Variants in RBFOX1 observed in about 807,000 individuals in gnomAD.
The protein encoded by RBFOX1 is RNA binding fox-1 homolog 1, also known as RNA binding protein fox-1 homolog 1.
A neutral mutation model predicts 57.7 loss-of-function variants in RBFOX1; 8 were observed. The ratio of observed to expected loss-of-function variants is 0.14; its 90% CI spans 0.08 to 0.25. RBFOX1 has a LOEUF of 0.25. Among genes scored for constraint, RBFOX1 ranks in the 10% least tolerant of loss-of-function variants. RBFOX1 has a pLI of 1.00. For synonymous variants in RBFOX1, 326 were observed against 222.4 expected (o/e 1.47, Z -4.15); for missense variants, 611 against 548.5 (o/e 1.11, Z -1.14).
chr16:6,790,489 C>G (rs1472003207), intron 3 of RBFOX1, among the ~76,000 whole-genome samples: 2 of 151,984 alleles, frequency 1.3e-5, no homozygotes, highest in African/African-American at 4.8e-5. Flanking sequence ...ATGGCGCCCT[C>G]CATCGTTCTT....
intron 3 of RBFOX1, among the ~76,000 whole-genome samples, chr16:6,995,781 C>CA (rs1057339461): frequency 6.6e-6 from 1 of 151,400 alleles, no homozygotes; most frequent in African/African-American, 2.4e-5. Flanking sequence ...TAATAAAAAA[C>CA]AAAAAAAGGG....
At chr16:6,093,337 G>A (rs191169474) in intron 1 of RBFOX1, among the ~76,000 whole-genome samples, 1 of 152,158 alleles carries the variant, frequency 6.6e-6, no homozygotes, top group Admixed American at 6.5e-5. Context: ...TACTTGGAAG[G>A]TTGAGGTGGG....
intron 2 of RBFOX1, among the ~76,000 whole-genome samples, chr16:6,392,721 G>C (rs1268455245): frequency 2.0e-5 from 3 of 152,168 alleles, no homozygotes; most frequent in Non-Finnish European, 4.4e-5. Context: ...TCCAGATTGG[G>C]ACCTTGAGAA....
Position 7,047,136 on chromosome 16 carries a change from C to T in RBFOX1, c.-15-4921C>T, listed in dbSNP as rs114526687. On this transcript the variant is annotated intron_variant, in intron 3 of 15. Coordinates refer to ENST00000550418, the MANE Select transcript of RBFOX1 (RefSeq NM_018723.4). ...TATTAACATTTACTCATATGTTTACCATTTCCATTTCCAGCTCTTCCTTTC... is the reference window on the plus strand; with the variant it reads ...TATTAACATTTACTCATATGTTTACTATTTCCATTTCCAGCTCTTCCTTTC... 7.4e-3 allele frequency among the ~76,000 whole-genome samples: 1,114 copies of T among 150,960 alleles called. 12 individuals are homozygous for T. Among genetic ancestry groups the T allele is most frequent in the African/African-American group, 0.026 (1,048 of 40,824 alleles).
intron 1 of RBFOX1, among the ~76,000 whole-genome samples, chr16:5,246,884 T>G (rs1202118012): frequency 1.3e-5 from 2 of 152,182 alleles, no homozygotes; most frequent in Non-Finnish European, 2.9e-5. Flanking sequence ...TTATGCAGGC[T>G]GGTCCTGAAC....
chr16:6,339,353 G>A (rs1045638514), intron 2 of RBFOX1, among the ~76,000 whole-genome samples: 1 of 152,220 alleles, frequency 6.6e-6, no homozygotes, highest in Admixed American at 6.5e-5. Context: ...TGTGCAGCAA[G>A]TCAATAGGAG....
chr16:7,560,968 C>A (rs2090192216), intron 5 of RBFOX1, among the ~76,000 whole-genome samples: 1 of 152,186 alleles, frequency 6.6e-6, no homozygotes, highest in Non-Finnish European at 1.5e-5. Flanking sequence ...GAGAACTCAT[C>A]CGTTGTCCTG....
intron 4 of RBFOX1, among the ~76,000 whole-genome samples, chr16:5,992,004 T>G (rs1484307758): frequency 1.3e-5 from 2 of 152,036 alleles, no homozygotes; most frequent in Non-Finnish European, 2.9e-5. Flanking sequence ...GAGAAAAAAA[T>G]ACAGAGATTT....
chr16:7,072,361 C>T (rs1012925539), intron 4 of RBFOX1, among the ~76,000 whole-genome samples: 2 of 152,136 alleles, frequency 1.3e-5, no homozygotes, highest in Non-Finnish European at 2.9e-5. Flanking sequence ...GTTATTCCCT[C>T]GTTTGTTTTG....
chr16:5,699,634 G>A (rs941478933), intron 3 of RBFOX1, among the ~76,000 whole-genome samples: 1 of 151,998 alleles, frequency 6.6e-6, no homozygotes, highest in Non-Finnish European at 1.5e-5. Flanking sequence ...GACATTTTTG[G>A]TTGTCAGCTC....
At position 6,957,743 on chromosome 16, in the gene RBFOX1, G is replaced by A. The variant is rs913580629; in HGVS notation, c.-15-94314G>A. On this transcript the variant is annotated intron_variant, in intron 3 of 15. Coordinates refer to ENST00000550418, the MANE Select transcript of RBFOX1 (RefSeq NM_018723.4). ...ATTTTACCCAGCCCCTATTGAAGAT[G>A]GAGTTGCTCTGGTTCAAACATCTGT... 7.9e-5 allele frequency among the ~76,000 whole-genome samples: 12 copies of A among 152,114 alleles called. 1 individual carries two copies. In the East Asian group the frequency reaches 2.1e-3, roughly 27 times the overall value.
At chr16:7,642,077 T>C (rs2062912742) in intron 11 of RBFOX1, among the ~76,000 whole-genome samples, 1 of 152,174 alleles carries the variant, frequency 6.6e-6, no homozygotes, top group Non-Finnish European at 1.5e-5. Context: ...ACCACGCCAC[T>C]GCACTCTAGC....
intron 3 of RBFOX1, among the ~76,000 whole-genome samples, chr16:6,889,099 T>G (rs1175684045): frequency 2.0e-5 from 3 of 152,202 alleles, no homozygotes. Context: ...GATATCACAG[T>G]GGACAAGAAT....
chr16:7,020,761 C>G (rs1171937455), intron 3 of RBFOX1, among the ~76,000 whole-genome samples: 1 of 152,058 alleles, frequency 6.6e-6, no homozygotes, highest in African/African-American at 2.4e-5. Flanking sequence ...TCAGTGAAAT[C>G]CCTGCATTCC....
chr16:5,975,168 A>G (rs1269351512), intron 4 of RBFOX1, among the ~76,000 whole-genome samples: 1 of 152,244 alleles, frequency 6.6e-6, no homozygotes, highest in Non-Finnish European at 1.5e-5. Flanking sequence ...TTATGTTGAT[A>G]AATTCCAACA....
At chr16:6,843,532 A>C (rs552281244) in intron 3 of RBFOX1, among the ~76,000 whole-genome samples, 4 of 151,758 alleles carry the variant, frequency 2.6e-5, no homozygotes, top group Admixed American at 6.6e-5. Context: ...ACTAAAAATA[A>C]AAAAAAATTA....
chr16:6,539,186 C>T (rs371653182), intron 2 of RBFOX1, among the ~76,000 whole-genome samples: 8 of 151,720 alleles, frequency 5.3e-5, no homozygotes, highest in Non-Finnish European at 8.8e-5. Flanking sequence ...GAAACTTCTA[C>T]TTGAATCATT....
chr16:5,278,245 C>A (rs147485052), intron 1 of RBFOX1, among the ~76,000 whole-genome samples: 2 of 152,052 alleles, frequency 1.3e-5, no homozygotes, highest in African/African-American at 4.8e-5. Context: ...TTTGCATTTC[C>A]GTGATGATTA....
At chr16:6,648,561 C>T (rs2098552147) in intron 2 of RBFOX1, among the ~76,000 whole-genome samples, 1 of 152,150 alleles carries the variant, frequency 6.6e-6, no homozygotes, top group African/African-American at 2.4e-5. Flanking sequence ...CAGCCCTGTC[C>T]TCCCACCCTT....
Sources: allele counts gnomAD v4.1 joint callset (sites outside exome capture counted in the v4.1 genomes callset), GRCh38; gene constraint gnomAD v4.1.1; transcripts MANE v1.5; gene names NCBI Gene and HGNC (gene_info 2026-07-23, HGNC 2026-07-21).